The following CCDC141 variants were observed in gnomAD, a reference collection of about 807,000 sequenced individuals.
CCDC141 encodes the protein coiled-coil domain-containing protein 141.
CCDC141 carries 168 observed loss-of-function variants against 181.0 expected under a neutral mutation model. The observed-to-expected ratio is 0.93, with a 90% CI of 0.82 to 1.05. The LOEUF is 1.05. CCDC141 is among the 50% of genes least tolerant of loss of function. The pLI is 0.00. For synonymous variants in CCDC141, 666 were observed against 642.3 expected, an observed-to-expected ratio of 1.04 and a Z score of -0.56; for missense variants, 1,902 against 1,788.5, an observed-to-expected ratio of 1.06 and a Z score of -1.14.
At chr2:179,001,119 T>G (rs2134739) in intron 2 of CCDC141, among the ~76,000 whole-genome samples, 3 of 152,022 alleles carry the variant, frequency 2.0e-5, no homozygotes, top group Non-Finnish European at 4.4e-5. Context: ...TGAGAAAATA[T>G]GAAAAAAGTC....
chr2:178,818,085 G>A, the CCDC141 span, among the ~76,000 whole-genome samples: 14 of 152,132 alleles, frequency 9.2e-5, no homozygotes, highest in African/African-American at 1.9e-4. Flanking sequence ...TTACAGGCGT[G>A]AGCCACCGCA....
the CCDC141 span, among the ~76,000 whole-genome samples, chr2:178,819,152 G>T: frequency 6.6e-6 from 1 of 152,154 alleles, no homozygotes; most frequent in Admixed American, 6.6e-5. Context: ...TTGGAACTAC[G>T]CATGTAGCCA....
chr2:179,040,433 G>C (rs1348765501), intron 2 of CCDC141, among the ~76,000 whole-genome samples: 1 of 152,136 alleles, frequency 6.6e-6, no homozygotes, highest in Non-Finnish European at 1.5e-5. Context: ...TTGTTACATA[G>C]GTAAATATGT....
Position 179,049,840 on chromosome 2 carries a change from C to T in CCDC141, c.102G>A (p.Lys34=). 1 of 1,550,712 alleles carries T rather than the reference C, an allele frequency of 6.4e-7. No homozygotes were observed. Among genetic ancestry groups the T allele is most frequent in the African/African-American group, 1.4e-5 (1 of 73,138 alleles). The change falls in exon 1 of 24, where the codon AAG becomes AAA. Residue 34 remains lysine (K), a splice_region_variant and synonymous_variant. Transcript: ENST00000443758. ...AGAAAAAAGGAAGTTGTTAGCTTACCTTTATGACAGCTATAACGATTTTGG... is the reference window on the plus strand; with the variant it reads ...AGAAAAAAGGAAGTTGTTAGCTTACTTTTATGACAGCTATAACGATTTTGG... ...GDSKIVIAVI[K]CGKWVQLQLA...
intron 2 of CCDC141, among the ~76,000 whole-genome samples, chr2:178,980,457 G>GA (rs894899271): frequency 8.7e-5 from 13 of 149,542 alleles, no homozygotes; most frequent in African/African-American, 2.5e-4. Flanking sequence ...CTCAAAAAAA[G>GA]AAAAAAAAAT....
intron 6 of CCDC141, among the ~76,000 whole-genome samples, chr2:178,938,099 C>T (rs1157538085): frequency 6.6e-6 from 1 of 151,942 alleles, no homozygotes; most frequent in Non-Finnish European, 1.5e-5. Context: ...TTGTCTTTTG[C>T]TAGCTTTAGG....
chr2:179,013,687 A>T (rs1175513221), intron 2 of CCDC141, among the ~76,000 whole-genome samples: 1 of 152,050 alleles, frequency 6.6e-6, no homozygotes, highest in Non-Finnish European at 1.5e-5. Context: ...ATAAATCTAG[A>T]CAGGGCGCAG....
intron 8 of CCDC141, among the ~76,000 whole-genome samples, chr2:178,900,807 G>A (rs1002870642): frequency 1.3e-5 from 2 of 152,090 alleles, no homozygotes; most frequent in African/African-American, 4.8e-5. Flanking sequence ...TCAAGAGGCC[G>A]GGACTGGATT....
intron 15 of CCDC141, 32 bp downstream of exon 15, chr2:178,869,085 A>T: frequency 6.9e-7 from 1 of 1,443,068 alleles, no homozygotes; most frequent in Non-Finnish European, 9.2e-7. Flanking sequence ...TTTAAAACTC[A>T]GGATTTTTCA....
At chr2:178,890,524 TAA>T in intron 8 of CCDC141, among the ~76,000 whole-genome samples, 1 of 152,296 alleles carries the variant, frequency 6.6e-6, no homozygotes, top group African/African-American at 2.4e-5. Context: ...CTCCAAAGAA[TAA>T]GACTGTTAGC....
At chr2:178,941,215 T>TC (rs935068974) in intron 6 of CCDC141, among the ~76,000 whole-genome samples, 4 of 152,100 alleles carry the variant, frequency 2.6e-5, no homozygotes, top group African/African-American at 9.7e-5. Context: ...GACCACCCCC[T>TC]CCTAACCAAC....
the CCDC141 span, among the ~76,000 whole-genome samples, chr2:178,823,869 T>G: frequency 1.3e-5 from 2 of 152,148 alleles, no homozygotes; most frequent in East Asian, 1.9e-4. Context: ...ATCCAGAGCA[T>G]GCATATAAGT....
chr2:178,992,858 C>A (rs934077258), intron 2 of CCDC141, among the ~76,000 whole-genome samples: 1 of 152,140 alleles, frequency 6.6e-6, no homozygotes, highest in Non-Finnish European at 1.5e-5. Context: ...AGAGTTCTCA[C>A]AAGAGCTGAT....
chr2:178,918,740 C>T lies in CCDC141; in HGVS notation c.1065G>A (p.Ala355=), dbSNP rs756215131. 2.8e-5 allele frequency: 43 copies of T among 1,550,314 alleles called. No homozygotes were observed. Among genetic ancestry groups the T allele is most frequent in the Middle Eastern group, 1.7e-4 (1 of 6,012 alleles). ...MVERNTWLKK[A]NEFFNSANKA... Reference sequence around the variant, plus strand: ...TGTTAGCACTGTTAAAAAATTCATTCGCCTTCTTTAACCAGGTATTCCTTT... The same window carrying T: ...TGTTAGCACTGTTAAAAAATTCATTTGCCTTCTTTAACCAGGTATTCCTTT... The change falls in exon 7 of 24, where the codon GCG becomes GCA. Residue 355 remains alanine, a synonymous_variant. Coordinates refer to ENST00000443758, the MANE Select transcript of CCDC141 (RefSeq NM_173648.4).
chr2:178,879,389 G>A (rs1288117944), intron 11 of CCDC141, among the ~76,000 whole-genome samples: 3 of 152,146 alleles, frequency 2.0e-5, no homozygotes, highest in Non-Finnish European at 4.4e-5. Flanking sequence ...CTTCATAGGA[G>A]AGCCTGCAAA....
intron 7 of CCDC141, among the ~76,000 whole-genome samples, chr2:178,910,231 G>C (rs961419609): frequency 2.0e-5 from 3 of 152,206 alleles, no homozygotes; most frequent in African/African-American, 7.2e-5. Flanking sequence ...AGAGCCGTGA[G>C]TCATCTAGCA....
chr2:178,938,198 C>T (rs1689365621), intron 6 of CCDC141, among the ~76,000 whole-genome samples: 2 of 152,086 alleles, frequency 1.3e-5, no homozygotes, highest in East Asian at 1.9e-4. Flanking sequence ...GTTAGAAAGA[C>T]ATTTAGGGGA....
intron 15 of CCDC141, among the ~76,000 whole-genome samples, chr2:178,868,773 G>A (rs1428833598): frequency 6.6e-6 from 1 of 152,172 alleles, no homozygotes; most frequent in East Asian, 1.9e-4. Flanking sequence ...TGAGCTGTAG[G>A]ATTTTTGAAG....
chr2:179,036,781 C>T (rs1204789894), intron 2 of CCDC141, among the ~76,000 whole-genome samples: 1 of 152,216 alleles, frequency 6.6e-6, no homozygotes, highest in Non-Finnish European at 1.5e-5. Context: ...AAGGCCAGAA[C>T]TTTACATACA....
Sources: allele counts gnomAD v4.1 joint callset (sites outside exome capture counted in the v4.1 genomes callset), GRCh38; gene constraint gnomAD v4.1.1; transcripts MANE v1.5; gene names NCBI Gene and HGNC (gene_info 2026-07-23, HGNC 2026-07-21).